Variants in MIA2 observed in about 807,000 individuals in gnomAD.
The protein encoded by MIA2 is melanoma inhibitory activity protein 2.
Under a neutral mutation model 167.8 loss-of-function variants are expected in MIA2, and 127 were observed. That is an observed-to-expected ratio of 0.76 (90% CI 0.66 to 0.88). MIA2 has a LOEUF of 0.88. Among genes scored for constraint, MIA2 ranks in the 40% least tolerant of loss-of-function variants. The pLI, the probability that MIA2 is intolerant of heterozygous loss-of-function variation, is 0.00. For synonymous variants in MIA2, 552 were observed against 541.9 expected (o/e 1.02, Z -0.26); for missense variants, 1,690 against 1,624.7 (o/e 1.04, Z -0.69).
chr14:39,346,241 A>G (rs1218814580), intron 26 of MIA2, among the ~76,000 whole-genome samples: 1 of 152,210 alleles, frequency 6.6e-6, no homozygotes, highest in Non-Finnish European at 1.5e-5. Flanking sequence ...CACCATGGAA[A>G]TAGGTTTACT....
In MIA2 at chr14:39,253,420, C is replaced by A. The variant is rs563614419; in HGVS notation, c.1887+249C>A. 9.6e-6 allele frequency: 5 copies of A among 522,418 alleles called. No homozygotes were observed. The East Asian group carries it at 1.4e-4, about 15-fold the overall frequency. 32.4% of individuals were successfully genotyped at this position (522,418 alleles called of 1,614,324 possible). A position where few individuals can be genotyped will look rare whatever the true frequency, so the allele number is the denominator to read the frequency against. Reference sequence around the variant, plus strand: ...CGGTGTTTGCTTTTTACTCCACCCTCCCCATTTTTCAAATTAGGGAAAGTT... The same window carrying A: ...CGGTGTTTGCTTTTTACTCCACCCTACCCATTTTTCAAATTAGGGAAAGTT... On this transcript the variant is annotated intron_variant, in intron 6 of 28. Coordinates refer to ENST00000640607, the MANE Select transcript of MIA2 (RefSeq NM_001329214.4).
chr14:39,263,635 T>G (rs544599642), intron 6 of MIA2, among the ~76,000 whole-genome samples: 4 of 140,324 alleles, frequency 2.9e-5, no homozygotes, highest in Non-Finnish European at 6.5e-5. Context: ...CTCTCTCTCT[T>G]TTTTTTTTTT....
intron 25 of MIA2, among the ~76,000 whole-genome samples, chr14:39,343,346 C>T (rs1456091922): frequency 6.6e-6 from 1 of 152,080 alleles, no homozygotes; most frequent in Non-Finnish European, 1.5e-5. Context: ...GGGATTTCAC[C>T]ATGTTGGCCA....
intron 19 of MIA2, 130 bp from the exon 20 acceptor site, chr14:39,314,609 A>AG (rs2064986571): frequency 2.5e-6 from 1 of 392,756 alleles, no homozygotes; most frequent in South Asian, 5.3e-5. Flanking sequence ...GGAGTTCTGG[A>AG]GTTTTTTTTT....
chr14:39,384,742 C>G (rs2075238386), intron 23 of MIA2, among the ~76,000 whole-genome samples: 1 of 152,148 alleles, frequency 6.6e-6, no homozygotes, highest in Admixed American at 6.5e-5. Context: ...GTCCTCTCAC[C>G]TAAGTGGAAC....
At chr14:39,271,173 A>C (rs1043231875) in intron 6 of MIA2, among the ~76,000 whole-genome samples, 2 of 152,176 alleles carry the variant, frequency 1.3e-5, no homozygotes, top group Non-Finnish European at 2.9e-5. Context: ...ATTCCTTGGC[A>C]TGTGGATATT....
chr14:39,280,836 G>C (rs1260926948), intron 9 of MIA2, among the ~76,000 whole-genome samples: 1 of 150,888 alleles, frequency 6.6e-6, no homozygotes, highest in Non-Finnish European at 1.5e-5. Flanking sequence ...GTCTAGGTGT[G>C]GTTTTTTTCT....
At chr14:39,364,572 T>C (rs1432903051) in intron 23 of MIA2, among the ~76,000 whole-genome samples, 1 of 152,166 alleles carries the variant, frequency 6.6e-6, no homozygotes, top group Non-Finnish European at 1.5e-5. Context: ...CTTCCATTTA[T>C]AGGACTCCCT....
Position 39,345,946 on chromosome 14 carries a change from A to T in MIA2, c.3698A>T (p.Asp1233Val). 1 of 1,612,304 alleles carries T rather than the reference A, an allele frequency of 6.2e-7. No individual in the cohort carries two copies. The change falls in exon 26 of 29, where the codon GAC becomes GTC. Residue 1233 changes from aspartate (D) to valine (V), a missense_variant. Coordinates refer to ENST00000640607, the MANE Select transcript of MIA2 (RefSeq NM_001329214.4). ...PDSALPPQRQ[D>V]RFCSNSGRLS... Reference sequence around the variant, plus strand: ...TCAGCCCTTCCTCCACAAAGGCAAGACAGATTTTGTTCTAATTCTGGTAGA... The same window carrying T: ...TCAGCCCTTCCTCCACAAAGGCAAGTCAGATTTTGTTCTAATTCTGGTAGA...
chr14:39,295,291 C>T (rs1004975871), intron 13 of MIA2, among the ~76,000 whole-genome samples: 2 of 152,032 alleles, frequency 1.3e-5, no homozygotes, highest in Admixed American at 1.3e-4. Flanking sequence ...CTTCTTAAAG[C>T]CATGCCGAAG....
intron 23 of MIA2, among the ~76,000 whole-genome samples, chr14:39,358,192 A>G (rs569888320): frequency 2.6e-5 from 4 of 152,290 alleles, no homozygotes; most frequent in East Asian, 1.9e-4. Flanking sequence ...AGGTACACCA[A>G]TCAGACATAG....
chr14:39,339,125 C>A (rs905996855), intron 25 of MIA2, among the ~76,000 whole-genome samples: 1 of 152,124 alleles, frequency 6.6e-6, no homozygotes, highest in South Asian at 2.1e-4. Flanking sequence ...CCCTCACATG[C>A]GCAGTTCACA....
chr14:39,279,203 G>A, intron 7 of MIA2, 134 bp from the exon 8 acceptor site: 12 of 551,732 alleles, frequency 2.2e-5, no homozygotes, highest in South Asian at 1.5e-4. Flanking sequence ...ATTGGAAACA[G>A]AATACTTTTG....
In MIA2 at chr14:39,240,682, T is replaced by C. The variant is rs112758219; in HGVS notation, c.336+35T>C. The C allele has an allele frequency of 6.9e-4, 1,046 of 1,512,154 alleles. 5 individuals are homozygous for C. The African/African-American group carries it at 0.013, about 18-fold the overall frequency. The allele number at this position is 1,512,154 out of a possible 1,614,324, so 93.7% of individuals were successfully genotyped here. On this transcript the variant is annotated intron_variant, in intron 3 of 28. Transcript: ENST00000640607. ...CTCATTCTCAGTTGTTAATTGAATTTAAAATTTCTTGGTTAAAACAGTTTT... is the reference window on the plus strand; with the variant it reads ...CTCATTCTCAGTTGTTAATTGAATTCAAAATTTCTTGGTTAAAACAGTTTT...
chr14:39,338,916 G>C (rs950740183), intron 25 of MIA2, among the ~76,000 whole-genome samples: 3 of 152,144 alleles, frequency 2.0e-5, no homozygotes, highest in Non-Finnish European at 4.4e-5. Flanking sequence ...ATGAAAGTGA[G>C]GTATCATAAT....
intron 23 of MIA2, among the ~76,000 whole-genome samples, chr14:39,371,490 G>A (rs183810119): frequency 1.6e-4 from 25 of 152,270 alleles, no homozygotes; most frequent in Admixed American, 1.2e-3. Flanking sequence ...AGGGTTCATC[G>A]TGTGTCTATT....
At chr14:39,307,813 C>A (rs2063603557) in intron 17 of MIA2, among the ~76,000 whole-genome samples, 1 of 151,904 alleles carries the variant, frequency 6.6e-6, no homozygotes, top group Non-Finnish European at 1.5e-5. Flanking sequence ...ATGAGTGAGC[C>A]TATTTTAAGT....
At chr14:39,265,821 T>C (rs2055537399) in intron 6 of MIA2, 1 of 260,444 alleles carries the variant, frequency 3.8e-6, no homozygotes, top group Non-Finnish European at 6.1e-6. Flanking sequence ...GTTTTGACTT[T>C]AATGAACTAT....
chr14:39,310,320 G>C (rs974047491), intron 18 of MIA2, among the ~76,000 whole-genome samples: 2 of 152,078 alleles, frequency 1.3e-5, no homozygotes, highest in Admixed American at 1.3e-4. Flanking sequence ...TGTTTAAAAT[G>C]CCCCCTAAGC....
Sources: allele counts gnomAD v4.1 joint callset (sites outside exome capture counted in the v4.1 genomes callset), GRCh38; gene constraint gnomAD v4.1.1; transcripts MANE v1.5; gene names NCBI Gene and HGNC (gene_info 2026-07-23, HGNC 2026-07-21).